GRIA2: variants seen among roughly 807,000 people sequenced by gnomAD.
The protein encoded by GRIA2 is glutamate ionotropic receptor AMPA type subunit 2.
In GRIA2, 14 loss-of-function variants were observed where a neutral mutation model predicts 97.3. That is an observed-to-expected ratio of 0.14 (90% CI 0.10 to 0.23). GRIA2 has a LOEUF of 0.23. GRIA2 is among the 10% of genes least tolerant of loss of function. GRIA2 has a pLI of 1.00. For missense variants in GRIA2, 558 were observed against 1,069.8 expected (o/e 0.52, Z 6.67); for synonymous variants, 412 against 387.8 (o/e 1.06, Z -0.73).
intron 2 of GRIA2, among the ~76,000 whole-genome samples, chr4:157,232,703 G>A (rs895076168): frequency 6.6e-6 from 1 of 152,052 alleles, no homozygotes; most frequent in Non-Finnish European, 1.5e-5. Flanking sequence ...ATATTTCAGA[G>A]CACACACAAG....
chr4:157,249,043 C>A (rs572726678), intron 2 of GRIA2, among the ~76,000 whole-genome samples: 48 of 151,962 alleles, frequency 3.2e-4, no homozygotes, highest in African/African-American at 1.1e-3. Flanking sequence ...CTATGTTGCC[C>A]GGCCTGCTCT....
chr4:157,337,419 A>T (rs908449204), intron 11 of GRIA2, among the ~76,000 whole-genome samples: 6 of 152,022 alleles, frequency 3.9e-5, no homozygotes, highest in African/African-American at 1.4e-4. Flanking sequence ...AGAATACCTA[A>T]TTATAATGAA....
At chr4:157,307,984 A>G (rs1203050636) in intron 3 of GRIA2, among the ~76,000 whole-genome samples, 1 of 152,246 alleles carries the variant, frequency 6.6e-6, no homozygotes, top group Non-Finnish European at 1.5e-5. Context: ...ATATTAATTT[A>G]TATGCTTGAA....
At chr4:157,348,354 T>A (rs987831447) in intron 12 of GRIA2, among the ~76,000 whole-genome samples, 1 of 152,000 alleles carries the variant, frequency 6.6e-6, no homozygotes, top group Non-Finnish European at 1.5e-5. Context: ...TGGCTTGAAC[T>A]GATCCTCCTG....
chr4:157,281,162 A>C (rs1248549806), intron 2 of GRIA2, among the ~76,000 whole-genome samples: 2 of 152,112 alleles, frequency 1.3e-5, no homozygotes, highest in Non-Finnish European at 2.9e-5. Flanking sequence ...TTAATAACAG[A>C]AACAGGAGGC....
At chr4:157,315,299 T>C (rs1029788685) in intron 4 of GRIA2, among the ~76,000 whole-genome samples, 8 of 150,412 alleles carry the variant, frequency 5.3e-5, no homozygotes, top group Non-Finnish European at 1.0e-4. Flanking sequence ...GAGAGATCAT[T>C]ACAGAAAGAA....
intron 2 of GRIA2, among the ~76,000 whole-genome samples, chr4:157,230,422 GA>G (rs1418884217): frequency 7.2e-5 from 11 of 152,132 alleles, no homozygotes; most frequent in African/African-American, 2.7e-4. Flanking sequence ...GAGAAAAAGG[GA>G]AAAACTCTAA....
intron 6 of GRIA2, among the ~76,000 whole-genome samples, chr4:157,324,089 A>G (rs887312902): frequency 2.0e-5 from 3 of 152,210 alleles, no homozygotes; most frequent in African/African-American, 7.2e-5. Flanking sequence ...AAGGGTTAGC[A>G]CAGCTTTGGA....
chr4:157,224,625 T>C (rs1032762268), intron 2 of GRIA2, among the ~76,000 whole-genome samples: 3 of 152,142 alleles, frequency 2.0e-5, no homozygotes, highest in Non-Finnish European at 4.4e-5. Flanking sequence ...AAGGGAAAGA[T>C]GCTTATGTAA....
chr4:157,281,160 A>G lies in GRIA2; in HGVS notation c.230-22392A>G, dbSNP rs576646417. Among the ~76,000 whole-genome samples the G allele has an allele frequency of 6.6e-5, 10 of 152,252 alleles. No homozygotes were observed. The East Asian group carries it at 7.7e-4, about 12-fold the overall frequency. On this transcript the variant is annotated intron_variant, in intron 2 of 15. Coordinates refer to ENST00000264426, the MANE Select transcript of GRIA2 (RefSeq NM_001083619.3). ...CAATTCAATTCAATAATTTAATAAC[A>G]GAAACAGGAGGCACATAGAATTCAC...
chr4:157,238,803 A>C (rs907953744), intron 2 of GRIA2, among the ~76,000 whole-genome samples: 1 of 152,108 alleles, frequency 6.6e-6, no homozygotes, highest in Non-Finnish European at 1.5e-5. Flanking sequence ...TCCAGACTAT[A>C]ATCCCATCAA....
At chr4:157,232,098 A>G (rs1050654159) in intron 2 of GRIA2, among the ~76,000 whole-genome samples, 2 of 152,232 alleles carry the variant, frequency 1.3e-5, no homozygotes, top group African/African-American at 4.8e-5. Flanking sequence ...AGTTTGGTCT[A>G]TATATTTGAA....
At chr4:157,360,677 TA>T in intron 13 of GRIA2, 1 of 484,922 alleles carries the variant, frequency 2.1e-6, no homozygotes, top group Non-Finnish European at 4.1e-6. Flanking sequence ...TAACTCTTTG[TA>T]TTCCTATTTT....
At chr4:157,350,142 A>G (rs900361011) in intron 12 of GRIA2, among the ~76,000 whole-genome samples, 1 of 152,058 alleles carries the variant, frequency 6.6e-6, no homozygotes, top group Non-Finnish European at 1.5e-5. Context: ...AAGTATTTTC[A>G]TTTATTTGTC....
At chr4:157,339,403 T>C (rs1006391075) in intron 11 of GRIA2, among the ~76,000 whole-genome samples, 2 of 152,012 alleles carry the variant, frequency 1.3e-5, no homozygotes, top group South Asian at 2.1e-4. Context: ...TTTCCTTCTC[T>C]GCATAATTTC....
At chr4:157,319,132 C>T (rs1397423062) in intron 5 of GRIA2, among the ~76,000 whole-genome samples, 1 of 152,016 alleles carries the variant, frequency 6.6e-6, no homozygotes, top group East Asian at 1.9e-4. Context: ...CTAAGGACTC[C>T]CTGAAGAGAA....
chr4:157,260,409 G>C (rs566093410), intron 2 of GRIA2, among the ~76,000 whole-genome samples: 1 of 152,164 alleles, frequency 6.6e-6, no homozygotes, highest in South Asian at 2.1e-4. Flanking sequence ...GATATTTTAT[G>C]CTATTATTTA....
chr4:157,334,734 T>G (rs1735206121), intron 9 of GRIA2: 1 of 152,200 alleles, frequency 6.6e-6, no homozygotes, highest in South Asian at 2.1e-4. Flanking sequence ...TGGTGTTCGT[T>G]ATAGGACAGA....
intron 2 of GRIA2, among the ~76,000 whole-genome samples, chr4:157,242,686 C>T (rs1159326957): frequency 6.6e-6 from 1 of 152,022 alleles, no homozygotes; most frequent in Non-Finnish European, 1.5e-5. Context: ...ACCATTGCTC[C>T]TAGGGGAAAT....
Sources: allele counts gnomAD v4.1 joint callset (sites outside exome capture counted in the v4.1 genomes callset), GRCh38; gene constraint gnomAD v4.1.1; transcripts MANE v1.5; gene names NCBI Gene and HGNC (gene_info 2026-07-23, HGNC 2026-07-21).